PPFIA4: variants seen among roughly 807,000 people sequenced by gnomAD.
PPFIA4 encodes PPFI scaffold protein A4, also known as liprin-alpha-4.
In PPFIA4, 98 loss-of-function variants were observed where a neutral mutation model predicts 145.7. The ratio of observed to expected loss-of-function variants is 0.67; its 90% CI spans 0.57 to 0.80. The LOEUF is 0.80. Among genes scored for constraint, PPFIA4 ranks in the 30% least tolerant of loss-of-function variants. PPFIA4 has a pLI of 0.00. For synonymous variants in PPFIA4, 628 were observed against 649.6 expected (o/e 0.97, Z 0.51); for missense variants, 1,457 against 1,632.7 (o/e 0.89, Z 1.85).
intron 21 of PPFIA4, 143 bp downstream of exon 21, chr1:203,059,994 T>C (rs1661247076): frequency 3.8e-6 from 3 of 794,394 alleles, no homozygotes; most frequent in African/African-American, 1.7e-5. Flanking sequence ...TTAGCCCCCC[T>C]CCCCCTCCCC....
At position 203,038,768 on chromosome 1, in the gene PPFIA4, A is replaced by T. The variant is rs1316343848; in HGVS notation, c.-241A>T. 1.6e-5 allele frequency: 6 copies of T among 372,308 alleles called. No homozygotes were observed. Among genetic ancestry groups the T allele is most frequent in the Non-Finnish European group, 2.4e-5 (5 of 206,104 alleles). 23.1% of individuals were successfully genotyped at this position (372,308 alleles called of 1,614,324 possible). ...GTCTGCATGTCTGGGGACACAGGGC[A>T]CCCAGCCCCAGCCCTGAGAAGTTAA... On this transcript the variant is annotated 5_prime_UTR_variant, in exon 2 of 30. Coordinates refer to ENST00000295706, the MANE Select transcript of PPFIA4 (RefSeq NM_001304331.2).
intron 27 of PPFIA4, among the ~76,000 whole-genome samples, chr1:203,069,899 C>T (rs1662023883): frequency 6.6e-6 from 1 of 152,072 alleles, no homozygotes; most frequent in Non-Finnish European, 1.5e-5. Flanking sequence ...CTTTGCTGCC[C>T]ACTCACCTCT....
At position 203,047,961 on chromosome 1, in the gene PPFIA4, G is replaced by A. The variant is rs139953105; in HGVS notation, c.1141-266G>A. On this transcript the variant is annotated intron_variant, in intron 9 of 29. Coordinates refer to ENST00000295706, the MANE Select transcript of PPFIA4 (RefSeq NM_001304331.2). ...TCTGGAAGCATGGGGATTATTTACA[G>A]TCTCTTGAACTGCTAGCTTCAGGAT... 1.1e-4 allele frequency among the ~76,000 whole-genome samples: 17 copies of A among 152,334 alleles called. No individual in the cohort carries two copies. In the East Asian group the frequency reaches 3.3e-3, roughly 29 times the overall value.
At chr1:203,046,009 G>T in intron 8 of PPFIA4, 22 bp downstream of exon 8, 3 of 1,612,130 alleles carry the variant, frequency 1.9e-6, no homozygotes, top group South Asian at 1.1e-5. Flanking sequence ...GGGTGGGGTG[G>T]GGATGGGCAT....
At chr1:203,061,931 C>T (rs1661390511) in intron 24 of PPFIA4, among the ~76,000 whole-genome samples, 3 of 152,048 alleles carry the variant, frequency 2.0e-5, no homozygotes, top group African/African-American at 7.2e-5. Context: ...TCCTCAGTCT[C>T]ATTCTTTTCC....
In PPFIA4 at chr1:203,072,957, A is replaced by C. The variant is rs539076136; in HGVS notation, c.3393+1197A>C. On this transcript the variant is annotated intron_variant, in intron 28 of 29. Coordinates refer to ENST00000295706, the MANE Select transcript of PPFIA4 (RefSeq NM_001304331.2). ...TTTTCCCAATGCCCCTGTGATATTG[A>C]CCCTCCCACTAATTCCACATGCACT... 3.0e-5 allele frequency among the ~76,000 whole-genome samples: 4 copies of C among 135,574 alleles called. No homozygotes were observed. The East Asian group carries it at 8.5e-4, about 29-fold the overall frequency. 88.9% of individuals were successfully genotyped at this position (135,574 alleles called of 152,430 possible). A position where few individuals can be genotyped will look rare whatever the true frequency, so the allele number is the denominator to read the frequency against.
intron 1 of PPFIA4, among the ~76,000 whole-genome samples, chr1:203,033,586 T>C (rs1356620697): frequency 6.6e-6 from 1 of 152,170 alleles, no homozygotes; most frequent in African/African-American, 2.4e-5. Context: ...GAATGGAAGC[T>C]CAGAGAGATT....
At chr1:203,058,364 G>T (rs1661121520) in intron 19 of PPFIA4, among the ~76,000 whole-genome samples, 1 of 152,194 alleles carries the variant, frequency 6.6e-6, no homozygotes, top group Admixed American at 6.5e-5. Context: ...GGGAGTGTCA[G>T]CCCAGAGAAT....
rs940487290 is a variant in PPFIA4 at position 203,055,785 on chromosome 1, G to GGT, written c.2070+119_2070+120dup. On this transcript the variant is annotated intron_variant, in intron 16 of 29. Transcript: ENST00000295706. This position sits in a 1 kb window ranked among gnomAD's most constrained non-coding sequence, Gnocchi z 4.8. ...GCTGGGCCTGCCATCTTCTTCCCAT[G>GGT]GTGTGTGCAGACCCCGACATGTCAG... 6.3e-5 allele frequency: 95 copies of GGT among 1,498,596 alleles called. No individual in the cohort carries two copies. The highest frequency in any genetic ancestry group is 8.7e-5 in the South Asian group (7 of 80,538). The allele number at this position is 1,498,596 out of a possible 1,614,324, so 92.8% of individuals were successfully genotyped here.
At position 203,075,718 on chromosome 1, in the gene PPFIA4, C is replaced by T; in HGVS notation, c.3535C>T (p.Gln1179Ter). ...GFRVSTLGTL[Q>*]PPPAPPKKIM... is the part of the protein sequence containing the mutation. ...CCGTGTGTCCACCCTGGGGACCCTG[C>T]AGCCCCCACCGGCCCCGCCAAAGAA... The change falls in exon 29 of 30, where the codon CAG becomes TAG. Residue 1179 changes from glutamine (Q) to a stop codon, truncating the protein, a stop_gained. Transcript: ENST00000295706. LOFTEE classifies it high-confidence loss of function. This position sits in a 1 kb window ranked among gnomAD's most constrained non-coding sequence, Gnocchi z 4.1. The T allele has an allele frequency of 1.4e-6, 2 of 1,403,330 alleles. No homozygotes were observed. The highest frequency in any genetic ancestry group is 1.6e-5 in the South Asian group (1 of 62,402). The allele number at this position is 1,403,330 out of a possible 1,614,324, so 86.9% of individuals were successfully genotyped here.
chr1:203,047,634 C>T (rs181664697), intron 9 of PPFIA4, among the ~76,000 whole-genome samples: 99 of 152,276 alleles, frequency 6.5e-4, no homozygotes, highest in Non-Finnish European at 1.0e-3. Context: ...ACAGCAGAGC[C>T]GTAACCATGC....
In PPFIA4 at chr1:203,048,467, C is replaced by G; in HGVS notation, c.1225-116C>G. 4.0e-6 allele frequency: 6 copies of G among 1,493,306 alleles called. No homozygotes were observed. Among genetic ancestry groups the G allele is most frequent in the Non-Finnish European group, 5.5e-6 (6 of 1,100,304 alleles). The allele number at this position is 1,493,306 out of a possible 1,614,324, so 92.5% of individuals were successfully genotyped here. A position where few individuals can be genotyped will look rare whatever the true frequency, so the allele number is the denominator to read the frequency against. On this transcript the variant is annotated intron_variant, in intron 10 of 29. Transcript: ENST00000295706. The surrounding 1 kb of genome is among the most constrained non-coding windows in gnomAD (Gnocchi z 5.8). Reference sequence around the variant, plus strand: ...GGTGAAGGGGGAGGTGGTCAGGAGACTGGAGAGAGTGGCTCCCAGAGGATG... The same window carrying G: ...GGTGAAGGGGGAGGTGGTCAGGAGAGTGGAGAGAGTGGCTCCCAGAGGATG...
At chr1:203,071,556 A>T in intron 27 of PPFIA4, 136 bp from the exon 28 acceptor site, 1 of 659,574 alleles carries the variant, frequency 1.5e-6, no homozygotes, top group Non-Finnish European at 2.7e-6. Context: ...AAAGGTGTGT[A>T]AAGGCCTCTA....
chr1:203,039,144 G>A lies in PPFIA4; in HGVS notation c.136G>A (p.Glu46Lys), dbSNP rs769050933. 1.2e-6 allele frequency: 2 copies of A among 1,607,658 alleles called. No individual in the cohort carries two copies. The highest frequency in any genetic ancestry group is 2.2e-5 in the South Asian group (2 of 90,210). ...EREKLLESLRESQETLAATQS... is the reference protein window; with the variant it reads ...EREKLLESLRKSQETLAATQS... ...GGAGAAGTTGCTGGAGTCTCTTCGG[G>A]AGAGTCAGGAGACCTTGGCGGCCAC... The change falls in exon 2 of 30, where the codon GAG (glutamate) becomes AAG (lysine). Residue 46 changes from glutamate to lysine, a missense_variant. This residue lies in a region of PPFIA4 where 463 missense variants were observed against 459.8 expected (regional missense o/e 1.01). Transcript: ENST00000295706.
chr1:203,076,291 G>T, intron 29 of PPFIA4, 50 bp from the exon 30 acceptor site: 1 of 1,561,270 alleles, frequency 6.4e-7, no homozygotes, highest in Non-Finnish European at 8.7e-7. Context: ...TCTCGCAGAT[G>T]CCCTGCAACC....
intron 25 of PPFIA4, among the ~76,000 whole-genome samples, chr1:203,064,545 G>A (rs1890413): frequency 0.37 from 55,549 of 152,070 alleles, 10,286 homozygotes; most frequent in Middle Eastern, 0.42. Flanking sequence ...GTTCAAAAGT[G>A]TCTGCGGCGC....
chr1:203,054,176 G>C, intron 15 of PPFIA4: 1 of 702,828 alleles, frequency 1.4e-6, no homozygotes, highest in Non-Finnish European at 2.6e-6. Flanking sequence ...CCCCTCTCAG[G>C]GCTTGCGATG....
intron 2 of PPFIA4, among the ~76,000 whole-genome samples, chr1:203,042,185 A>G (rs1659739946): frequency 6.6e-6 from 1 of 152,008 alleles, no homozygotes; most frequent in Non-Finnish European, 1.5e-5. Flanking sequence ...AGTTGGGGCC[A>G]CTCATTTGAA....
chr1:203,046,506 C>G (rs193087092), intron 9 of PPFIA4, 124 bp downstream of exon 9: 1 of 1,160,922 alleles, frequency 8.6e-7, no homozygotes, highest in Non-Finnish European at 1.2e-6. Flanking sequence ...TGCTTCCCGC[C>G]GTGTGATTCC....
Sources: gnomAD v4.1 joint callset for allele counts (sites outside exome capture counted in the v4.1 genomes callset) on GRCh38, gnomAD v4.1.1 for gene constraint, gnomAD v4.1.1 regional missense constraint, Gnocchi (gnomAD v3.1) non-coding constraint, MANE v1.5 for transcripts, NCBI Gene and HGNC (gene_info 2026-07-23, HGNC 2026-07-21) for gene names.